Variants in TENM2 observed in about 807,000 individuals in gnomAD.
TENM2 encodes teneurin-2.
A neutral mutation model predicts 245.2 loss-of-function variants in TENM2; 52 were observed. That is an observed-to-expected ratio of 0.21 (90% CI 0.17 to 0.27). TENM2 has a LOEUF of 0.27. Ranked by LOEUF, TENM2 falls within the 10% of genes least tolerant of loss-of-function variation. The pLI, the probability that TENM2 is intolerant of heterozygous loss-of-function variation, is 1.00. For missense variants in TENM2, 3,046 were observed against 3,666.8 expected (o/e 0.83, Z 4.37); for synonymous variants, 1,363 against 1,438.9 (o/e 0.95, Z 1.19).
At chr5:167,354,368 G>T (rs1462430513) in intron 1 of TENM2, among the ~76,000 whole-genome samples, 1 of 152,222 alleles carries the variant, frequency 6.6e-6, no homozygotes, top group Admixed American at 6.5e-5. Context: ...AATTAGGTCA[G>T]TGATTTGAAC....
At chr5:167,372,844 A>G (rs964097077) in intron 1 of TENM2, among the ~76,000 whole-genome samples, 1 of 152,262 alleles carries the variant, frequency 6.6e-6, no homozygotes, top group African/African-American at 2.4e-5. Flanking sequence ...ATACACACAT[A>G]CACACATACT....
intron 2 of TENM2, among the ~76,000 whole-genome samples, chr5:167,745,608 C>G (rs1177733328): frequency 6.6e-6 from 1 of 152,178 alleles, no homozygotes; most frequent in Non-Finnish European, 1.5e-5. Flanking sequence ...GAACAACCAA[C>G]AACATCCTCC....
the TENM2 span, among the ~76,000 whole-genome samples, chr5:167,002,561 T>C: frequency 1.3e-5 from 2 of 152,004 alleles, no homozygotes; most frequent in Non-Finnish European, 2.9e-5. Flanking sequence ...TCCCAGCACA[T>C]TGGGAGGCCA....
At chr5:168,173,707 A>G (rs1302044249) in intron 13 of TENM2, among the ~76,000 whole-genome samples, 2 of 152,168 alleles carry the variant, frequency 1.3e-5, no homozygotes, top group African/African-American at 2.4e-5. Flanking sequence ...CTCCGCCCAT[A>G]AAGATGCTCT....
At chr5:167,410,310 A>G (rs571160760) in intron 2 of TENM2, among the ~76,000 whole-genome samples, 12 of 152,176 alleles carry the variant, frequency 7.9e-5, no homozygotes, top group Admixed American at 2.6e-4. Flanking sequence ...CAAAAACAAC[A>G]ACCCACTACC....
intron 2 of TENM2, among the ~76,000 whole-genome samples, chr5:167,432,357 AC>A (rs1764302485): frequency 6.6e-6 from 1 of 151,732 alleles, no homozygotes; most frequent in East Asian, 1.9e-4. Context: ...TCTTCTCCAT[AC>A]CGGAAAAATA....
chr5:168,263,629 G>C (rs1391876462), downstream of TENM2: 1 of 152,612 alleles, frequency 6.6e-6, no homozygotes, highest in East Asian at 1.9e-4. Flanking sequence ...AATTCAAAAT[G>C]GTGGCTATAA....
chr5:167,288,976 C>A (rs1439826511), intron 1 of TENM2, among the ~76,000 whole-genome samples: 1 of 152,204 alleles, frequency 6.6e-6, no homozygotes. Flanking sequence ...GATACAGGAA[C>A]TGTAGTTAAC....
At chr5:167,572,095 C>T (rs187740425) in intron 2 of TENM2, among the ~76,000 whole-genome samples, 37 of 152,318 alleles carry the variant, frequency 2.4e-4, no homozygotes, top group Middle Eastern at 3.4e-3. Flanking sequence ...AGAGTTTCAT[C>T]CTAAGCACAT....
chr5:168,115,572 C>T (rs1795023116), intron 9 of TENM2, among the ~76,000 whole-genome samples: 1 of 152,170 alleles, frequency 6.6e-6, no homozygotes, highest in Admixed American at 6.5e-5. Flanking sequence ...ATGTAACTTT[C>T]TCTGCCATCC....
intron 13 of TENM2, among the ~76,000 whole-genome samples, chr5:168,176,520 A>G (rs1259914382): frequency 6.6e-6 from 1 of 152,164 alleles, no homozygotes; most frequent in Admixed American, 6.5e-5. Context: ...TCACTTCTTT[A>G]GAGAAGCCCT....
chr5:167,160,613 A>T, the TENM2 span, among the ~76,000 whole-genome samples: 93 of 152,224 alleles, frequency 6.1e-4, no homozygotes, highest in Non-Finnish European at 1.1e-3. Flanking sequence ...CTTAATTGTC[A>T]CTTCCTCAGA....
At chr5:167,320,368 T>C (rs979523589) in intron 1 of TENM2, among the ~76,000 whole-genome samples, 2 of 152,086 alleles carry the variant, frequency 1.3e-5, no homozygotes, top group African/African-American at 4.8e-5. Context: ...AAAGAAGAAA[T>C]GGGCTTATTC....
chr5:167,758,966 A>G (rs1004689657), intron 2 of TENM2, among the ~76,000 whole-genome samples: 3 of 151,868 alleles, frequency 2.0e-5, no homozygotes, highest in East Asian at 1.9e-4. Flanking sequence ...TGCTTTTACT[A>G]TGGATACCTT....
chr5:167,204,188 T>C, the TENM2 span, among the ~76,000 whole-genome samples: 12 of 147,322 alleles, frequency 8.1e-5, no homozygotes, highest in African/African-American at 3.0e-4. Flanking sequence ...TGACTGGAAA[T>C]GAAAGAAATA....
At chr5:167,617,583 C>A (rs951234683) in intron 2 of TENM2, among the ~76,000 whole-genome samples, 1 of 152,140 alleles carries the variant, frequency 6.6e-6, no homozygotes, top group African/African-American at 2.4e-5. Context: ...TGTCACCAGC[C>A]TTTTGCAGAC....
intron 2 of TENM2, among the ~76,000 whole-genome samples, chr5:167,519,502 T>TA (rs1770616485): frequency 6.6e-6 from 1 of 152,104 alleles, no homozygotes; most frequent in Admixed American, 6.6e-5. Flanking sequence ...CCATGCACTT[T>TA]AAAAAATAAG....
intron 2 of TENM2, among the ~76,000 whole-genome samples, chr5:167,448,665 A>T (rs987813343): frequency 6.6e-6 from 1 of 151,772 alleles, no homozygotes; most frequent in Non-Finnish European, 1.5e-5. Flanking sequence ...ATACTATGTT[A>T]GAATGAAAAT....
At chr5:167,647,552 G>A (rs777485709) in intron 2 of TENM2, among the ~76,000 whole-genome samples, 3 of 152,104 alleles carry the variant, frequency 2.0e-5, no homozygotes, top group Non-Finnish European at 4.4e-5. Flanking sequence ...GAACCCGGGA[G>A]GCAGAGGTTG....
Sources: gnomAD v4.1 joint callset for allele counts (sites outside exome capture counted in the v4.1 genomes callset) on GRCh38, gnomAD v4.1.1 for gene constraint, MANE v1.5 for transcripts, NCBI Gene and HGNC (gene_info 2026-07-23, HGNC 2026-07-21) for gene names.